RIMS1: variants seen among roughly 807,000 people sequenced by gnomAD.
RIMS1 encodes the protein regulating synaptic membrane exocytosis 1, also known as regulating synaptic membrane exocytosis protein 1.
In RIMS1, 83 loss-of-function variants were observed where a neutral mutation model predicts 214.1. The ratio of observed to expected loss-of-function variants is 0.39; its 90% CI spans 0.32 to 0.47. The LOEUF is 0.47. RIMS1 is among the 20% of genes least tolerant of loss of function. The pLI is 0.99. For synonymous variants in RIMS1, 793 were observed against 786.8 expected, an observed-to-expected ratio of 1.01 and a Z score of -0.13; for missense variants, 2,050 against 2,161.8, an observed-to-expected ratio of 0.95 and a Z score of 1.03.
rs760113036 is a variant in RIMS1 at position 71,887,095 on chromosome 6, C to G, written c.72C>G (p.Asp24Glu). The G allele has an allele frequency of 6.2e-7, 1 of 1,613,538 alleles. No individual in the cohort carries two copies. Among genetic ancestry groups the G allele is most frequent in the Non-Finnish European group, 8.5e-7 (1 of 1,179,764 alleles). ...CTCCCCCCATGCAAGAGCTGCCCGA[C>G]CTGAGCCACCTGACCGAAGAGGAGA... ...TVPPPMQELP[D>E]LSHLTEEERN... The change falls in exon 1 of 34, where the codon GAC becomes GAG. Residue 24 changes from aspartate (D) to glutamate (E), a missense_variant. This residue lies in a region of RIMS1 where 882 missense variants were observed against 828.9 expected (regional missense o/e 1.06). Transcript: ENST00000521978.
chr6:72,041,053 T>G (rs1287942388), intron 2 of RIMS1, among the ~76,000 whole-genome samples: 1 of 152,068 alleles, frequency 6.6e-6, no homozygotes, highest in African/African-American at 2.4e-5. Context: ...AATGACTGAC[T>G]TCATGCTTAC....
chr6:72,316,628 G>C, intron 28 of RIMS1: 1 of 485,402 alleles, frequency 2.1e-6, no homozygotes, highest in Non-Finnish European at 4.0e-6. Context: ...AACCAGCCTG[G>C]AGCAGGAGCC....
intron 5 of RIMS1, among the ~76,000 whole-genome samples, chr6:72,181,530 A>C (rs565031360): frequency 6.6e-6 from 1 of 152,346 alleles, no homozygotes; most frequent in East Asian, 1.9e-4. Flanking sequence ...TATAGTGAAA[A>C]ACTATAAAAA....
chr6:72,038,112 AAAAAAAATATATATATATATATATATAT>A (rs1157327983), intron 2 of RIMS1, among the ~76,000 whole-genome samples: 1 of 59,698 alleles, frequency 1.7e-5, no homozygotes, highest in Admixed American at 1.8e-4. Context: ...AAAAAAAAAA[AAAAAAAATATATATATATATATATATAT>A]ATATATATAT....
intron 8 of RIMS1, 36 bp from the exon 9 acceptor site, chr6:72,237,787 T>G: frequency 7.1e-7 from 1 of 1,408,210 alleles, no homozygotes; most frequent in Non-Finnish European, 1.0e-6. Flanking sequence ...TGTTTTAGTA[T>G]GAGTCTTGGA....
chr6:72,256,564 C>T (rs903642907), intron 16 of RIMS1, among the ~76,000 whole-genome samples: 7 of 151,962 alleles, frequency 4.6e-5, no homozygotes, highest in Admixed American at 6.6e-5. Flanking sequence ...TCACTTAAAT[C>T]TCGAAATAGG....
intron 29 of RIMS1, among the ~76,000 whole-genome samples, chr6:72,343,492 C>CTTTTTTTTTTTTTTTTTTTTTTTTTTTTT (rs764125827): frequency 7.0e-5 from 4 of 57,270 alleles, no homozygotes; most frequent in African/African-American, 2.9e-4. Flanking sequence ...TCTTCTTCTT[C>CTTTTTTTTTTTTTTTTTTTTTTTTTTTTT]TTTTTTTTTT....
intron 28 of RIMS1, among the ~76,000 whole-genome samples, chr6:72,324,855 A>G (rs950971272): frequency 4.0e-5 from 6 of 151,884 alleles, no homozygotes; most frequent in Admixed American, 2.0e-4. Context: ...AACAGAGTCG[A>G]GTAGTTGCAA....
At chr6:72,045,617 G>T (rs1822762671) in intron 2 of RIMS1, among the ~76,000 whole-genome samples, 1 of 151,866 alleles carries the variant, frequency 6.6e-6, no homozygotes, top group African/African-American at 2.4e-5. Context: ...TTCCTTAAAG[G>T]CTGTGCCAAT....
chr6:71,969,187 G>T, intron 2 of RIMS1, 124 bp downstream of exon 2: 2 of 916,352 alleles, frequency 2.2e-6, no homozygotes, highest in Non-Finnish European at 3.6e-6. Flanking sequence ...TAACAAAAAG[G>T]CTACTGTTGA....
chr6:72,389,540 T>G (rs1190420079), intron 29 of RIMS1, among the ~76,000 whole-genome samples: 1 of 152,170 alleles, frequency 6.6e-6, no homozygotes, highest in Non-Finnish European at 1.5e-5. Flanking sequence ...TCAAATGGCT[T>G]ATCTAAGAGT....
chr6:72,129,296 TG>T (rs1192038044), intron 4 of RIMS1, among the ~76,000 whole-genome samples: 1 of 152,186 alleles, frequency 6.6e-6, no homozygotes, highest in Non-Finnish European at 1.5e-5. Flanking sequence ...GTGTGTCAAA[TG>T]GCATATACAT....
chr6:72,307,649 A>T (rs1278357623), intron 27 of RIMS1, among the ~76,000 whole-genome samples: 4 of 152,120 alleles, frequency 2.6e-5, no homozygotes, highest in Non-Finnish European at 5.9e-5. Flanking sequence ...TGGGAGGCTG[A>T]GGTAGGAGAA....
chr6:72,034,197 A>G (rs1014949827), intron 2 of RIMS1, among the ~76,000 whole-genome samples: 8 of 152,298 alleles, frequency 5.3e-5, no homozygotes, highest in South Asian at 2.1e-4. Context: ...TAAACAATGA[A>G]TGATTTTTAT....
At chr6:71,887,916 A>T (rs1027804457) in intron 1 of RIMS1, among the ~76,000 whole-genome samples, 1 of 152,168 alleles carries the variant, frequency 6.6e-6, no homozygotes, top group African/African-American at 2.4e-5. Flanking sequence ...GGCCTGAATA[A>T]CATAGAGGTT....
At chr6:72,155,863 T>C (rs1383300878) in intron 4 of RIMS1, among the ~76,000 whole-genome samples, 1 of 139,874 alleles carries the variant, frequency 7.1e-6, no homozygotes, top group African/African-American at 2.5e-5. Flanking sequence ...CACTGGCCCG[T>C]AGGTATATCA....
At chr6:72,278,151 TAA>T (rs2087678621) in intron 23 of RIMS1, among the ~76,000 whole-genome samples, 5 of 121,304 alleles carry the variant, frequency 4.1e-5, no homozygotes, top group African/African-American at 1.4e-4. Flanking sequence ...GAATGGTTTT[TAA>T]TCTATCTATC....
chr6:72,183,175 G>A (rs2048584896), intron 6 of RIMS1, 26 bp downstream of exon 6: 2 of 1,579,688 alleles, frequency 1.3e-6, no homozygotes, highest in Non-Finnish European at 1.7e-6. Context: ...CGGCCGTGCG[G>A]GGACTTCAGC....
intron 7 of RIMS1, 83 bp from the exon 8 acceptor site, chr6:72,235,535 A>T: frequency 1.2e-6 from 1 of 859,308 alleles, no homozygotes; most frequent in Non-Finnish European, 1.9e-6. Flanking sequence ...TGTTACCTCT[A>T]ATGACAAGAC....
Sources: allele counts gnomAD v4.1 joint callset (sites outside exome capture counted in the v4.1 genomes callset), GRCh38; gene constraint gnomAD v4.1.1; regional missense constraint gnomAD v4.1.1; transcripts MANE v1.5; gene names NCBI Gene and HGNC (gene_info 2026-07-23, HGNC 2026-07-21).